CFAP46: variants seen among roughly 807,000 people sequenced by gnomAD.
The protein encoded by CFAP46 is cilia and flagella associated protein 46, also known as cilia- and flagella-associated protein 46.
CFAP46 carries 245 observed loss-of-function variants against 325.7 expected under a neutral mutation model. That is an observed-to-expected ratio of 0.75 (90% CI 0.68 to 0.84). The LOEUF is 0.84. Among genes scored for constraint, CFAP46 ranks in the 40% least tolerant of loss-of-function variants. The pLI is 0.00. For synonymous variants in CFAP46, 1,523 were observed against 1,495.9 expected (o/e 1.02, Z -0.42); for missense variants, 3,346 against 3,543.0 (o/e 0.94, Z 1.41).
chr10:132,892,888 G>T (rs1043788474), intron 24 of CFAP46, among the ~76,000 whole-genome samples: 1 of 152,134 alleles, frequency 6.6e-6, no homozygotes. Flanking sequence ...AGTGGGGCAG[G>T]AGAGGCCCCC....
At chr10:132,933,547 A>G (rs1372099620) in intron 8 of CFAP46, among the ~76,000 whole-genome samples, 1 of 152,178 alleles carries the variant, frequency 6.6e-6, no homozygotes, top group East Asian at 1.9e-4. Context: ...ACACATCCCC[A>G]TGTACACATG....
At chr10:132,823,097 T>C (rs946077265) in intron 50 of CFAP46, among the ~76,000 whole-genome samples, 4 of 142,078 alleles carry the variant, frequency 2.8e-5, no homozygotes, top group African/African-American at 1.1e-4. Flanking sequence ...GTGTGCTTTG[T>C]ATGTGCTGAT....
chr10:132,940,322 T>C (rs184817800), intron 4 of CFAP46, among the ~76,000 whole-genome samples: 20 of 152,256 alleles, frequency 1.3e-4, no homozygotes, highest in Non-Finnish European at 1.8e-4. Context: ...TGCTTGAAAC[T>C]GTCAAGCTTG....
chr10:132,825,772 G>A (rs1206782043), intron 50 of CFAP46, among the ~76,000 whole-genome samples: 2 of 152,090 alleles, frequency 1.3e-5, no homozygotes, highest in African/African-American at 4.8e-5. Context: ...AAACCTCAAA[G>A]AACAAAACCC....
intron 45 of CFAP46, 135 bp from the exon 46 acceptor site, chr10:132,836,353 G>A (rs1042986950): frequency 2.2e-5 from 17 of 762,016 alleles, no homozygotes; most frequent in Admixed American, 6.3e-5. Flanking sequence ...GGCCCTCCCC[G>A]TGTGCGCCTC....
intron 14 of CFAP46, 46 bp downstream of exon 14, chr10:132,920,013 C>T: frequency 6.8e-7 from 1 of 1,466,124 alleles, no homozygotes; most frequent in Non-Finnish European, 9.0e-7. Flanking sequence ...GCTGAGCGAC[C>T]CCCGGGCTGA....
Position 132,817,823 on chromosome 10 carries a change from G to A in CFAP46, c.7118-2909C>T, listed in dbSNP as rs1396373296. On this transcript the variant is annotated intron_variant, in intron 50 of 57. Transcript: ENST00000368586. This position sits in a 1 kb window ranked among gnomAD's most constrained non-coding sequence, Gnocchi z 4.4. The stretch of plus-strand genomic sequence containing the variant: ...GATGTGGCACTGCTTCCTGTCTGAC[G>A]GTTCTGGGAGTCGGAGGTCCGAATG... Among the ~76,000 whole-genome samples, 1 of 152,232 alleles carries A rather than the reference G, an allele frequency of 6.6e-6. No individual in the cohort carries two copies. The highest frequency in any genetic ancestry group is 1.5e-5 in the Non-Finnish European group (1 of 68,038).
chr10:132,912,541 CT>C, intron 19 of CFAP46, 113 bp downstream of exon 19: 4 of 251,754 alleles, frequency 1.6e-5, no homozygotes, highest in Non-Finnish European at 2.4e-5. Flanking sequence ...CTCTCCTCTC[CT>C]CTCTCTCTCT....
intron 8 of CFAP46, 26 bp downstream of exon 8, chr10:132,934,726 G>A: frequency 2.2e-6 from 3 of 1,380,366 alleles, no homozygotes; most frequent in Non-Finnish European, 2.1e-6. Context: ...ATGAAGATGT[G>A]ATATTGGAAA....
Position 132,942,491 on chromosome 10 carries a change from G to C in CFAP46, c.-7C>G, listed in dbSNP as rs1850124505. The C allele has an allele frequency of 7.8e-7, 1 of 1,277,812 alleles. No homozygotes were observed. The highest frequency in any genetic ancestry group is 9.9e-7 in the Non-Finnish European group (1 of 1,014,110). 79.2% of individuals were successfully genotyped at this position (1,277,812 alleles called of 1,614,324 possible). ...GCGTGATGACCAGGTCCATGGCGCC[G>C]GCGCCCTGCTCGTCCGCTCTCTCCG... On this transcript the variant is annotated 5_prime_UTR_variant, in exon 1 of 58. Coordinates refer to ENST00000368586, the MANE Select transcript of CFAP46 (RefSeq NM_001200049.3).
intron 44 of CFAP46, among the ~76,000 whole-genome samples, chr10:132,838,816 T>C (rs1848307093): frequency 6.6e-6 from 1 of 152,376 alleles, no homozygotes; most frequent in Non-Finnish European, 1.5e-5. Flanking sequence ...ACCCACGGGC[T>C]ACTGTGCCAA....
chr10:132,883,440 C>T (rs1190541747), intron 27 of CFAP46, among the ~76,000 whole-genome samples: 1 of 152,268 alleles, frequency 6.6e-6, no homozygotes, highest in East Asian at 1.9e-4. Flanking sequence ...TTCACCCCTG[C>T]CGGCACAGCT....
At chr10:132,935,027 C>T (rs12220398) in intron 7 of CFAP46, among the ~76,000 whole-genome samples, 165 bp from the exon 8 acceptor site, 9,631 of 152,190 alleles carry the variant, frequency 0.063, 361 homozygotes, top group South Asian at 0.088. Flanking sequence ...ACTTTTCACC[C>T]CTTCTGGTCC....
At chr10:132,868,132 A>ACGCC (rs1848844449) in intron 33 of CFAP46, among the ~76,000 whole-genome samples, 1 of 152,018 alleles carries the variant, frequency 6.6e-6, no homozygotes, top group African/African-American at 2.4e-5. Context: ...CGAGGCCTGC[A>ACGCC]CGCCCCTCTG....
rs1554876284 is a variant in CFAP46 at position 132,832,398 on chromosome 10, C to CT, written c.7117+959_7117+960insA. 7.5e-6 allele frequency among the ~76,000 whole-genome samples: 1 copy of CT among 132,906 alleles called. No homozygotes were observed. Among genetic ancestry groups the CT allele is most frequent in the East Asian group, 2.3e-4 (1 of 4,266 alleles). 87.2% of individuals were successfully genotyped at this position (132,906 alleles called of 152,430 possible). A position where few individuals can be genotyped will look rare whatever the true frequency, so the allele number is the denominator to read the frequency against. ...CCCTGGGCTCTTCCTGCCCCCCCCC[C>CT]CCAATGCTGTGGCCTGGAAATTCCC... On this transcript the variant is annotated intron_variant, in intron 50 of 57. Coordinates refer to ENST00000368586, the MANE Select transcript of CFAP46 (RefSeq NM_001200049.3). This position sits in a 1 kb window ranked among gnomAD's most constrained non-coding sequence, Gnocchi z 4.1.
In CFAP46 at chr10:132,908,593, C is replaced by T; in HGVS notation, c.2799G>A (p.Leu933=). The change falls in exon 22 of 58, where the codon CTG becomes CTA. Residue 933 remains leucine, a synonymous_variant. Coordinates refer to ENST00000368586, the MANE Select transcript of CFAP46 (RefSeq NM_001200049.3). ...GCCGCGTCAGGGTCTGCAGCTCCAC[C>T]AGGGGGTCCGACCAGTTGCACTCGG... ...MASECNWSDP[L]VELQTLTRLT... The T allele has an allele frequency of 6.5e-7, 1 of 1,549,364 alleles. No homozygotes were observed. Among genetic ancestry groups the T allele is most frequent in the South Asian group, 1.2e-5 (1 of 83,924 alleles).
intron 7 of CFAP46, among the ~76,000 whole-genome samples, chr10:132,935,394 C>G (rs868242002): frequency 1.6e-4 from 22 of 135,720 alleles, no homozygotes; most frequent in South Asian, 4.8e-4. Flanking sequence ...TCTCCTCACT[C>G]CCCTCAGCAC....
intron 9 of CFAP46, among the ~76,000 whole-genome samples, chr10:132,927,052 C>G (rs1849821958): frequency 6.6e-6 from 1 of 152,204 alleles, no homozygotes; most frequent in Admixed American, 6.5e-5. Flanking sequence ...CTCTACCTCT[C>G]CTTTCTTGGG....
At chr10:132,899,463 C>T (rs1849364005) in intron 23 of CFAP46, 72 bp downstream of exon 23, 5 of 1,469,192 alleles carry the variant, frequency 3.4e-6, no homozygotes, top group Admixed American at 2.5e-5. Context: ...TGGGCCACAG[C>T]CTTGGTGAGC....
Sources: allele counts gnomAD v4.1 joint callset (sites outside exome capture counted in the v4.1 genomes callset), GRCh38; gene constraint gnomAD v4.1.1; non-coding constraint Gnocchi (gnomAD v3.1); transcripts MANE v1.5; gene names NCBI Gene and HGNC (gene_info 2026-07-23, HGNC 2026-07-21).